The following OR2A7 variants were observed in gnomAD, a reference collection of about 807,000 sequenced individuals.
OR2A7 encodes olfactory receptor family 2 subfamily A member 7, also known as olfactory receptor 2A7.
For missense variants in OR2A7, 35 were observed against 359.2 expected (o/e 0.10, Z 7.30); for synonymous variants, 10 against 147.1 (o/e 0.07, Z 6.74).
chr7:144,261,406 G>A (rs1273376308), intron 1 of OR2A7, among the ~76,000 whole-genome samples: 1 of 150,868 alleles, frequency 6.6e-6, no homozygotes, highest in Non-Finnish European at 1.5e-5. Context: ...GGGAGGCTGA[G>A]GAAGGAGGTT....
chr7:144,261,286 A>T (rs1484747261), intron 1 of OR2A7, among the ~76,000 whole-genome samples: 1 of 151,488 alleles, frequency 6.6e-6, no homozygotes, highest in Non-Finnish European at 1.5e-5. Context: ...GTAAACAAGC[A>T]TCTGTACACT....
chr7:144,264,570 ATTTTAGAG>A (rs1424134900), intron 1 of OR2A7, 123 bp downstream of exon 1: 2 of 152,050 alleles, frequency 1.3e-5, no homozygotes, highest in African/African-American at 4.8e-5. Flanking sequence ...CTTTGTCATT[ATTTTAGAG>A]TGCACTCCTT....
chr7:144,261,939 GTT>G (rs2052653006), intron 1 of OR2A7, among the ~76,000 whole-genome samples: 1 of 151,942 alleles, frequency 6.6e-6, no homozygotes, highest in Non-Finnish European at 1.5e-5. Context: ...GTGTGGCTGA[GTT>G]TACTGATGGT....
chr7:144,261,625 CA>C (rs2052648915), intron 1 of OR2A7, among the ~76,000 whole-genome samples: 1 of 150,582 alleles, frequency 6.6e-6, no homozygotes. Flanking sequence ...TAACCATTAA[CA>C]TATTGATTGC....
At chr7:144,261,800 C>A (rs1430494427) in intron 1 of OR2A7, among the ~76,000 whole-genome samples, 3 of 151,884 alleles carry the variant, frequency 2.0e-5, no homozygotes, top group African/African-American at 7.2e-5. Context: ...AGCAAACAAG[C>A]AATGAAAATG....
intron 1 of OR2A7, among the ~76,000 whole-genome samples, chr7:144,261,361 T>C (rs1426531979): frequency 1.3e-5 from 2 of 149,556 alleles, no homozygotes; most frequent in Admixed American, 6.8e-5. Context: ...TGCTGGGCTA[T>C]GCTTGGTGTC....
chr7:144,260,666 T>C (rs1201104679), intron 1 of OR2A7, among the ~76,000 whole-genome samples: 1 of 151,952 alleles, frequency 6.6e-6, no homozygotes, highest in African/African-American at 2.4e-5. Flanking sequence ...TTTTTTGTTA[T>C]TTACTTTCCC....
chr7:144,260,716 A>T (rs1166682515), intron 1 of OR2A7, among the ~76,000 whole-genome samples: 2 of 151,922 alleles, frequency 1.3e-5, no homozygotes, highest in Admixed American at 6.6e-5. Flanking sequence ...GACTGAATAG[A>T]TTTGCACCGT....
intron 1 of OR2A7, among the ~76,000 whole-genome samples, chr7:144,260,224 T>C (rs1234899589): frequency 7.0e-6 from 1 of 142,490 alleles, no homozygotes; most frequent in Non-Finnish European, 1.6e-5. Context: ...AATAAACGTG[T>C]CACATATTAA....
At chr7:144,260,172 T>C (rs2052625766) in intron 1 of OR2A7, among the ~76,000 whole-genome samples, 1 of 141,460 alleles carries the variant, frequency 7.1e-6, no homozygotes, top group African/African-American at 2.5e-5. Flanking sequence ...CATAGGTTTC[T>C]TTTTTATTAC....
In OR2A7 at chr7:144,260,669, A is replaced by G. The variant is rs2052633796; in HGVS notation, c.-4-1037T>C. On this transcript the variant is annotated intron_variant, in intron 1 of 1. Coordinates refer to ENST00000641841, the MANE Select transcript of OR2A7 (RefSeq NM_001005328.2). ...CCCAGAACCTTATTTTTTGTTATTT[A>G]CTTTCCCACAATGTTTAGATGAGCA... Among the ~76,000 whole-genome samples the G allele has an allele frequency of 2.0e-5, 3 of 152,058 alleles. No individual in the cohort carries two copies. In the South Asian group the frequency reaches 6.2e-4, roughly 32 times the overall value.
chr7:144,264,648 C>G (rs1182932908), intron 1 of OR2A7, 53 bp downstream of exon 1: 3 of 151,434 alleles, frequency 2.0e-5, no homozygotes, highest in Non-Finnish European at 4.4e-5. Context: ...AAGAGGTATT[C>G]CAGAAGAAGG....
At chr7:144,261,510 A>T (rs879636505) in intron 1 of OR2A7, among the ~76,000 whole-genome samples, 6,923 of 139,944 alleles carry the variant, frequency 0.049, 7 homozygotes, top group African/African-American at 0.17. Context: ...TGAAAAAAAA[A>T]TTTTAAAGAA....
At chr7:144,264,188 C>T (rs1259911237) in intron 1 of OR2A7, among the ~76,000 whole-genome samples, 19 of 151,978 alleles carry the variant, frequency 1.3e-4, no homozygotes, top group African/African-American at 4.1e-4. Context: ...GCACTCCCAG[C>T]GTGGTTAAAA....
rs1422924356 is a variant in OR2A7 at position 144,260,145 on chromosome 7, A to AC, written c.-4-514dup. On this transcript the variant is annotated intron_variant, in intron 1 of 1. Coordinates refer to ENST00000641841, the MANE Select transcript of OR2A7 (RefSeq NM_001005328.2). ...AAAAAAAAAAAGAAAAGGAAAAAAA[A>AC]CGCATGCACACGTATACATAGGTTT... Among the ~76,000 whole-genome samples the AC allele has an allele frequency of 3.4e-4, 44 of 128,616 alleles. 1 individual carries two copies. Among genetic ancestry groups the AC allele is most frequent in the African/African-American group, 1.2e-3 (43 of 37,110 alleles). The allele number at this position is 128,616 out of a possible 152,430, so 84.4% of individuals were successfully genotyped here.
In OR2A7 at chr7:144,259,500, G is replaced by C; in HGVS notation, c.129C>G (p.Thr43=). The change falls in exon 2 of 2, where the codon ACC becomes ACG. Residue 43 remains threonine (T), a synonymous_variant. Coordinates refer to ENST00000641841, the MANE Select transcript of OR2A7 (RefSeq NM_001005328.2). ...AGTCCAGTGAGATGAGCCCCAGTAT[G>C]GTCCCGTTCCCCAGCAGGGTGAAGA... ...FYVFTLLGNG[T]ILGLISLDSR... The C allele has an allele frequency of 6.3e-7, 1 of 1,583,978 alleles. No individual in the cohort carries two copies. Among genetic ancestry groups the C allele is most frequent in the Non-Finnish European group, 8.6e-7 (1 of 1,158,786 alleles).
chr7:144,260,434 A>G (rs1215355684), intron 1 of OR2A7, among the ~76,000 whole-genome samples: 1 of 151,356 alleles, frequency 6.6e-6, no homozygotes, highest in Non-Finnish European at 1.5e-5. Flanking sequence ...TAACTGATAC[A>G]CATGTCAAAG....
At chr7:144,261,924 C>G (rs1234950831) in intron 1 of OR2A7, among the ~76,000 whole-genome samples, 11 of 151,944 alleles carry the variant, frequency 7.2e-5, no homozygotes, top group Non-Finnish European at 1.5e-4. Context: ...GCAAACATTT[C>G]TACAGTGTGG....
chr7:144,260,126 A>AAAAG (rs2052624054), intron 1 of OR2A7, among the ~76,000 whole-genome samples: 2 of 126,394 alleles, frequency 1.6e-5, no homozygotes, highest in African/African-American at 5.5e-5. Flanking sequence ...AAAAAAAAAA[A>AAAAG]AAAAGAAAAG....
Sources: allele counts gnomAD v4.1 joint callset (sites outside exome capture counted in the v4.1 genomes callset), GRCh38; gene constraint gnomAD v4.1.1; transcripts MANE v1.5; gene names NCBI Gene and HGNC (gene_info 2026-07-23, HGNC 2026-07-21).